Variants in TG observed in about 807,000 individuals in gnomAD.
TG encodes thyroglobulin.
Under a neutral mutation model 324.7 loss-of-function variants are expected in TG, and 270 were observed. That is an observed-to-expected ratio of 0.83 (90% confidence interval 0.75 to 0.92). TG has a LOEUF of 0.92. TG is among the 40% of genes least tolerant of loss of function. TG has a pLI of 0.00. For missense variants in TG, 3,591 were observed against 3,456.4 expected (o/e 1.04, Z -0.98); for synonymous variants, 1,401 against 1,327.0 (o/e 1.06, Z -1.21).
chr8:132,932,272 C>A (rs1053754607), intron 23 of TG, among the ~76,000 whole-genome samples: 4 of 152,198 alleles, frequency 2.6e-5, no homozygotes, highest in Non-Finnish European at 5.9e-5. Context: ...ACCACCTCTG[C>A]ACCCAAGAAT....
At chr8:132,867,153 A>T (rs976342893) in intron 1 of TG, 86 bp downstream of exon 1, 3 of 1,141,420 alleles carry the variant, frequency 2.6e-6, no homozygotes, top group African/African-American at 3.1e-5. Context: ...AACAGGTGCG[A>T]TCTAATTTAA....
At chr8:132,906,967 A>T in intron 17 of TG, 67 bp downstream of exon 17, 7 of 1,504,862 alleles carry the variant, frequency 4.7e-6, no homozygotes, top group Non-Finnish European at 6.3e-6. Context: ...GGACCGAGAT[A>T]TGGAGGCGTG....
chr8:132,970,591 A>G (rs754098051), intron 32 of TG, among the ~76,000 whole-genome samples: 1 of 152,160 alleles, frequency 6.6e-6, no homozygotes, highest in African/African-American at 2.4e-5. Context: ...CTTAAGATCT[A>G]CTTTTGAAAA....
intron 25 of TG, among the ~76,000 whole-genome samples, chr8:132,936,339 T>G (rs1307979943): frequency 6.6e-6 from 1 of 152,192 alleles, no homozygotes; most frequent in African/African-American, 2.4e-5. Context: ...TTCATAGAGC[T>G]TCTCCTTCTC....
chr8:132,902,486 C>T (rs1028338526), intron 16 of TG, among the ~76,000 whole-genome samples: 18 of 152,148 alleles, frequency 1.2e-4, no homozygotes, highest in African/African-American at 4.3e-4. Flanking sequence ...CTGCCCTGAA[C>T]CTGTGCTGTG....
At chr8:133,124,791 T>A (rs1851397387) in intron 45 of TG, among the ~76,000 whole-genome samples, 1 of 152,206 alleles carries the variant, frequency 6.6e-6, no homozygotes, top group Admixed American at 6.5e-5. Flanking sequence ...AGCTGTAAAT[T>A]CTAGACTCAA....
chr8:133,101,083 G>T (rs1462790935), intron 43 of TG, among the ~76,000 whole-genome samples: 1 of 152,110 alleles, frequency 6.6e-6, no homozygotes, highest in East Asian at 1.9e-4. Context: ...GGGCAGGAGT[G>T]GGGAGGGTGG....
intron 23 of TG, 88 bp downstream of exon 23, chr8:132,929,280 T>C (rs551105492): frequency 9.3e-6 from 9 of 970,516 alleles, no homozygotes; most frequent in Admixed American, 5.4e-5. Flanking sequence ...AATCAAACCA[T>C]TAAAACTATA....
At chr8:132,986,384 G>GTGTATATATATGTATGTGTATATA (rs1831543718) in intron 35 of TG, among the ~76,000 whole-genome samples, 1 of 103,900 alleles carries the variant, frequency 9.6e-6, no homozygotes, top group East Asian at 2.1e-4. Flanking sequence ...ATATATGTGT[G>GTGTATATATATGTATGTGTATATA]TATATATGTG....
intron 30 of TG, among the ~76,000 whole-genome samples, chr8:132,967,233 TCCATCCATCCATCCATCTATCCATC>T (rs1564015229): frequency 1.3e-5 from 1 of 79,318 alleles, no homozygotes; most frequent in East Asian, 7.1e-4. Context: ...CATCCATCCA[TCCATCCATCCATCCATCTATCCATC>T]CATCCATTTG....
intron 27 of TG, among the ~76,000 whole-genome samples, chr8:132,956,258 T>G (rs1826847550): frequency 6.6e-6 from 1 of 152,202 alleles, no homozygotes; most frequent in Non-Finnish European, 1.5e-5. Context: ...CATTCATTGT[T>G]TTGTTCTCCC....
chr8:132,981,308 A>G (rs905992794), intron 34 of TG, among the ~76,000 whole-genome samples: 14 of 152,236 alleles, frequency 9.2e-5, no homozygotes, highest in African/African-American at 2.4e-4. Flanking sequence ...CCAGTGTTCA[A>G]TCAGTATTGG....
chr8:133,033,227 T>C (rs1029558387), intron 41 of TG, among the ~76,000 whole-genome samples: 1 of 152,158 alleles, frequency 6.6e-6, no homozygotes, highest in African/African-American at 2.4e-5. Context: ...GGACTTATGG[T>C]TTGCAAACTA....
intron 20 of TG, 139 bp downstream of exon 20, chr8:132,913,404 A>G: frequency 3.5e-6 from 3 of 850,112 alleles, no homozygotes; most frequent in Non-Finnish European, 5.8e-6. Flanking sequence ...AAAGTTTTCA[A>G]TCATCTACTA....
intron 44 of TG, 67 bp from the exon 45 acceptor site, chr8:133,116,542 C>A: frequency 6.7e-7 from 1 of 1,488,446 alleles, no homozygotes. Context: ...GGGAGAAGCC[C>A]TTTCCAGGCA....
At chr8:133,024,392 T>TTCTTTCTTTC (rs1313269544) in intron 40 of TG, among the ~76,000 whole-genome samples, 142 of 94,170 alleles carry the variant, frequency 1.5e-3, no homozygotes, top group African/African-American at 7.1e-3. Context: ...CTTTCTTTCT[T>TTCTTTCTTTC]TTTCTTTTTT....
At chr8:132,966,471 T>G in intron 29 of TG, 89 bp from the exon 30 acceptor site, 1 of 1,413,176 alleles carries the variant, frequency 7.1e-7, no homozygotes, top group Non-Finnish European at 1.0e-6. Flanking sequence ...TCTCTCTGTG[T>G]GTGTGTGTGT....
intron 41 of TG, among the ~76,000 whole-genome samples, chr8:133,085,194 C>T (rs147224008): frequency 2.5e-4 from 38 of 152,276 alleles, no homozygotes; most frequent in African/African-American, 8.9e-4. Flanking sequence ...CTCTCTAGGA[C>T]AGGTTAGCAG....
intron 41 of TG, chr8:133,038,628 C>G (rs1267458655): frequency 6.2e-7 from 1 of 1,613,970 alleles, no homozygotes. Context: ...GAGGTGTTGT[C>G]CTCACTGGTC....
Sources: allele counts gnomAD v4.1 joint callset (sites outside exome capture counted in the v4.1 genomes callset), GRCh38; gene constraint gnomAD v4.1.1; transcripts MANE v1.5; gene names NCBI Gene and HGNC (gene_info 2026-07-23, HGNC 2026-07-21).